Variants in SOD2 observed in about 807,000 individuals in gnomAD.
The protein encoded by SOD2 is superoxide dismutase [Mn], mitochondrial.
In SOD2, 11 loss-of-function variants were observed where a neutral mutation model predicts 27.0. The ratio of observed to expected loss-of-function variants is 0.41; its 90% confidence interval spans 0.26 to 0.67. The LOEUF is 0.67. SOD2 is among the 30% of genes least tolerant of loss of function. The probability of loss-of-function intolerance (pLI) is 0.34; values close to 1 mark genes in which losing one functional copy is unlikely to be tolerated. For synonymous variants in SOD2, 105 were observed against 103.0 expected (o/e 1.02, Z -0.12); for missense variants, 250 against 274.5 (o/e 0.91, Z 0.63).
chr6:159,714,852 A>G (rs1168126006), intron 1 of SOD2, among the ~76,000 whole-genome samples: 1 of 152,034 alleles, frequency 6.6e-6, no homozygotes, highest in Admixed American at 6.6e-5. Flanking sequence ...ACCTTTAGTT[A>G]TACATAAGAG....
At position 159,685,674 on chromosome 6, in the gene SOD2, G is replaced by A. The variant is rs372868959; in HGVS notation, c.344-641C>T. Among the ~76,000 whole-genome samples, 163 of 41,380 alleles carry A rather than the reference G, an allele frequency of 3.9e-3. 2 individuals carry two copies. The highest frequency in any genetic ancestry group is 9.2e-3 in the Admixed American group (33 of 3,596). 27.1% of individuals were successfully genotyped at this position (41,380 alleles called of 152,430 possible). Reference sequence around the variant, plus strand: ...TAGTATACAACAGTTTTCACCCCCCGTCCCCTTCTTTCTCCCTCCCTGCTC... The same window carrying A: ...TAGTATACAACAGTTTTCACCCCCCATCCCCTTCTTTCTCCCTCCCTGCTC... On this transcript the variant is annotated intron_variant, in intron 3 of 4. Transcript: ENST00000538183.
upstream of SOD2, chr6:159,727,675 T>G (rs1778277698): frequency 1.0e-6 from 1 of 984,094 alleles, no homozygotes; most frequent in South Asian, 4.7e-5. Flanking sequence ...ATGCGACCGG[T>G]GGCGCCGGCG....
chr6:159,755,760 C>CTTTTTTTTTTTTTTTTTTTTTTTTTT (rs1779984995), intron 1 of SOD2: 6 of 283,700 alleles, frequency 2.1e-5, no homozygotes, highest in African/African-American at 1.5e-4. Context: ...TTTTTTTTTT[C>CTTTTTTTTTTTTTTTTTTTTTTTTTT]TTTTCTTTTT....
chr6:159,703,380 C>T (rs1472653395), intron 1 of SOD2, among the ~76,000 whole-genome samples: 1 of 147,728 alleles, frequency 6.8e-6, no homozygotes, highest in African/African-American at 2.5e-5. Context: ...AAGCAGCTTA[C>T]TACATGGAAG....
rs1337514684 is a variant in SOD2 at position 159,682,537 on chromosome 6, T to C, written c.625A>G (p.Asn209Asp). Residue 209 changes from asparagine (N) to aspartate (D), a missense_variant, in exon 5 of 5, where the codon AAC (asparagine) becomes GAC (aspartate). Asn to Asp is a conservative substitution (Grantham distance 23). Coordinates refer to ENST00000538183, the MANE Select transcript of SOD2 (RefSeq NM_000636.4). ...DYLKAIWNVINWENVTERYMA... is the reference protein window; with the variant it reads ...DYLKAIWNVIDWENVTERYMA... ...TATCTTTCAGTTACATTCTCCCAGT[T>C]GATTACATTCCAAATAGCTTTTAGA... The C allele has an allele frequency of 6.2e-7, 1 of 1,614,112 alleles. No individual in the cohort carries two copies.
At chr6:159,734,404 A>G (rs1259284109) in intron 1 of SOD2, among the ~76,000 whole-genome samples, 1 of 151,974 alleles carries the variant, frequency 6.6e-6, no homozygotes, top group East Asian at 1.9e-4. Context: ...TCAGTTTAAC[A>G]TACCAAGCTT....
At chr6:159,748,422 A>G (rs1356715636), upstream of SOD2, 1 of 1,599,826 alleles carries the variant, frequency 6.3e-7, no homozygotes, top group South Asian at 1.1e-5. The surrounding 1 kb of genome is among the most constrained non-coding windows in gnomAD (Gnocchi z 5.6). Flanking sequence ...CCACTACGAG[A>G]AAGCTGTGGT....
intron 1 of SOD2, among the ~76,000 whole-genome samples, chr6:159,759,319 A>G (rs1780074992): frequency 2.0e-5 from 3 of 148,178 alleles, no homozygotes; most frequent in Admixed American, 1.3e-4. Context: ...TCGGCCTCCC[A>G]AAGTGCTGGG....
At chr6:159,731,102 G>C (rs541983406), upstream of SOD2, 1 of 151,918 alleles carries the variant, frequency 6.6e-6, no homozygotes, top group Non-Finnish European at 1.5e-5. Context: ...GATCATGCCC[G>C]TGCACTCCAG....
chr6:159,741,308 T>C (rs770337285), intron 1 of SOD2, among the ~76,000 whole-genome samples: 32 of 152,220 alleles, frequency 2.1e-4, no homozygotes, highest in Non-Finnish European at 4.0e-4. Flanking sequence ...CAGTTAGATG[T>C]GATTGTTAAA....
intron 1 of SOD2, among the ~76,000 whole-genome samples, chr6:159,721,021 A>ATT (rs140558738): frequency 2.2e-5 from 3 of 136,836 alleles, no homozygotes; most frequent in East Asian, 2.1e-4. Context: ...GCACCCGACT[A>ATT]TTTTTTTTTT....
At chr6:159,759,105 G>A (rs1053775825) in intron 1 of SOD2, among the ~76,000 whole-genome samples, 1 of 150,516 alleles carries the variant, frequency 6.6e-6, no homozygotes, top group Non-Finnish European at 1.5e-5. Context: ...TGTTGCCCAG[G>A]CTGGAGTACA....
chr6:159,698,017 A>G (rs1411863177), upstream of SOD2, among the ~76,000 whole-genome samples: 1 of 152,210 alleles, frequency 6.6e-6, no homozygotes, highest in Non-Finnish European at 1.5e-5. Context: ...GCTCACGCCT[A>G]TAATCCCAGG....
chr6:159,698,798 G>GA (rs1777476025), intron 1 of SOD2, among the ~76,000 whole-genome samples: 1 of 150,924 alleles, frequency 6.6e-6, no homozygotes, highest in Non-Finnish European at 1.5e-5. Flanking sequence ...CTAGAGAAAA[G>GA]AAAAAAATAA....
chr6:159,695,971 C>T (rs118139395), upstream of SOD2, among the ~76,000 whole-genome samples: 1 of 152,330 alleles, frequency 6.6e-6, no homozygotes, highest in Non-Finnish European at 1.5e-5. Context: ...TACATCACAG[C>T]CATCCTGAGA....
upstream of SOD2, among the ~76,000 whole-genome samples, chr6:159,728,584 G>A (rs150815031): frequency 6.6e-6 from 1 of 152,164 alleles, no homozygotes; most frequent in East Asian, 1.9e-4. Flanking sequence ...CTCGTTTTTT[G>A]GATTTTAAAA....
upstream of SOD2, among the ~76,000 whole-genome samples, chr6:159,749,750 T>C (rs1353014057): frequency 1.3e-5 from 2 of 152,082 alleles, no homozygotes. Flanking sequence ...ATTTTGTGAA[T>C]TGAAAAAAGG....
chr6:159,686,569 C>G (rs1424130045), intron 3 of SOD2, among the ~76,000 whole-genome samples: 1 of 152,112 alleles, frequency 6.6e-6, no homozygotes, highest in Non-Finnish European at 1.5e-5. Flanking sequence ...ATCACTTGAA[C>G]CCGGGATGGG....
At chr6:159,735,495 A>G (rs1490289884) in intron 1 of SOD2, among the ~76,000 whole-genome samples, 1 of 152,206 alleles carries the variant, frequency 6.6e-6, no homozygotes, top group African/African-American at 2.4e-5. Flanking sequence ...TCATTCCTGT[A>G]ATCCCAGCAC....
Sources: gnomAD v4.1 joint callset for allele counts (sites outside exome capture counted in the v4.1 genomes callset) on GRCh38, gnomAD v4.1.1 for gene constraint, Gnocchi (gnomAD v3.1) non-coding constraint, MANE v1.5 for transcripts, NCBI Gene and HGNC (gene_info 2026-07-23, HGNC 2026-07-21) for gene names.